DLG2: variants seen among roughly 807,000 people sequenced by gnomAD.
DLG2 encodes the protein disks large homolog 2.
DLG2 carries 45 observed loss-of-function variants against 132.5 expected under a neutral mutation model. That is an observed-to-expected ratio of 0.34 (90% CI 0.27 to 0.44). DLG2 has a LOEUF of 0.44. Ranked by LOEUF, DLG2 falls within the 20% of genes least tolerant of loss-of-function variation. The pLI, the probability that DLG2 is intolerant of heterozygous loss-of-function variation, is 1.00. For synonymous variants in DLG2, 424 were observed against 419.6 expected (o/e 1.01, Z -0.13); for missense variants, 1,045 against 1,196.9 (o/e 0.87, Z 1.87).
chr11:84,533,983 C>T (rs1160728896), intron 7 of DLG2, among the ~76,000 whole-genome samples: 2 of 143,374 alleles, frequency 1.4e-5, no homozygotes, highest in African/African-American at 5.2e-5. Flanking sequence ...GTATTTTTCT[C>T]ATTTAATTAT....
chr11:83,646,406 A>G (rs1286214189), intron 18 of DLG2, among the ~76,000 whole-genome samples: 1 of 151,998 alleles, frequency 6.6e-6, no homozygotes, highest in Non-Finnish European at 1.5e-5. Context: ...AGGGAAAGAG[A>G]AAGGGAAAGA....
chr11:83,792,994 AT>A, intron 17 of DLG2, among the ~76,000 whole-genome samples: 1 of 152,282 alleles, frequency 6.6e-6, no homozygotes, highest in Admixed American at 6.5e-5. Flanking sequence ...TAGGTAAACA[AT>A]TTTATTTTTA....
At chr11:84,055,954 A>G (rs1383850250) in intron 11 of DLG2, among the ~76,000 whole-genome samples, 1 of 152,142 alleles carries the variant, frequency 6.6e-6, no homozygotes, top group Non-Finnish European at 1.5e-5. Flanking sequence ...ATAACTCTGT[A>G]TTATATATAC....
intron 11 of DLG2, among the ~76,000 whole-genome samples, chr11:84,043,746 C>T (rs1005667254): frequency 1.3e-5 from 2 of 151,490 alleles, no homozygotes; most frequent in African/African-American, 2.4e-5. Context: ...TCAAGCTTTG[C>T]TCTTTGTCGC....
chr11:83,715,106 T>C (rs1456440661), intron 18 of DLG2, among the ~76,000 whole-genome samples: 5 of 152,160 alleles, frequency 3.3e-5, no homozygotes, highest in Admixed American at 3.3e-4. Flanking sequence ...TTCATGTCCT[T>C]GCAAGGACAT....
chr11:85,167,154 A>T (rs1201152206), intron 4 of DLG2, among the ~76,000 whole-genome samples: 1 of 152,164 alleles, frequency 6.6e-6, no homozygotes, highest in Non-Finnish European at 1.5e-5. Context: ...TAAAAAAGTT[A>T]AACAGAGTTC....
intron 8 of DLG2, among the ~76,000 whole-genome samples, chr11:84,242,993 T>TTCTCTCTCTCTC (rs145284405): frequency 0.024 from 2,979 of 124,898 alleles, 49 homozygotes; most frequent in African/African-American, 0.027. Flanking sequence ...ATTAATTAGG[T>TTCTCTCTCTCTC]TCTCTCTCTC....
chr11:84,429,740 G>T (rs1022156411), intron 7 of DLG2, among the ~76,000 whole-genome samples: 1 of 152,106 alleles, frequency 6.6e-6, no homozygotes, highest in Non-Finnish European at 1.5e-5. Flanking sequence ...TCTTTACAAT[G>T]ATAATCATGC....
At chr11:84,760,310 TTC>T (rs763924672) in intron 6 of DLG2, among the ~76,000 whole-genome samples, 5 of 152,228 alleles carry the variant, frequency 3.3e-5, no homozygotes, top group Non-Finnish European at 4.4e-5. Flanking sequence ...GGCTTTAGCC[TTC>T]TGAGTCTTCT....
intron 6 of DLG2, among the ~76,000 whole-genome samples, chr11:84,627,444 A>G (rs1761263669): frequency 6.6e-6 from 1 of 152,212 alleles, no homozygotes; most frequent in Non-Finnish European, 1.5e-5. Context: ...ATTAGTACCT[A>G]ATTGTAAAAC....
chr11:84,755,845 T>C (rs2066805310), intron 6 of DLG2, among the ~76,000 whole-genome samples: 2 of 152,188 alleles, frequency 1.3e-5, no homozygotes, highest in Non-Finnish European at 2.9e-5. Context: ...AGGTCACTTT[T>C]AGTGTGAGAA....
chr11:85,132,449 A>G (rs1356291337), intron 5 of DLG2, among the ~76,000 whole-genome samples: 1 of 152,194 alleles, frequency 6.6e-6, no homozygotes, highest in Non-Finnish European at 1.5e-5. Context: ...TGTATGTGCT[A>G]CACTACTACT....
intron 3 of DLG2, among the ~76,000 whole-genome samples, chr11:85,502,237 G>C (rs941982302): frequency 1.3e-5 from 2 of 152,020 alleles, no homozygotes; most frequent in African/African-American, 4.8e-5. Flanking sequence ...ATGGAGACAG[G>C]GAGGGGAACA....
At chr11:85,550,305 A>G (rs2076585999) in intron 3 of DLG2, among the ~76,000 whole-genome samples, 1 of 152,258 alleles carries the variant, frequency 6.6e-6, no homozygotes, top group Non-Finnish European at 1.5e-5. Flanking sequence ...TGGATGGCAG[A>G]GCTAAAAGAG....
At chr11:84,854,775 C>T (rs2082566666) in intron 6 of DLG2, among the ~76,000 whole-genome samples, 1 of 151,910 alleles carries the variant, frequency 6.6e-6, no homozygotes, top group African/African-American at 2.4e-5. Flanking sequence ...TACTATAAAT[C>T]CTACCCACCC....
rs773262108 is a variant in DLG2, at chr11:83,991,507, C to G, written c.920-10865G>C. ...TTGTAAAATGAAATCTTCCCCTGCA[C>G]GTTAGGGCTTTACTTTTTTCTTTTT... On this transcript the variant is annotated intron_variant, in intron 11 of 27. Transcript: ENST00000376104. Among the ~76,000 whole-genome samples, 5 of 152,082 alleles carry G rather than the reference C, an allele frequency of 3.3e-5. No homozygotes were observed. The East Asian group carries it at 9.6e-4, about 29-fold the overall frequency.
intron 7 of DLG2, among the ~76,000 whole-genome samples, chr11:84,458,620 TAATAA>T (rs907585872): frequency 6.6e-6 from 1 of 150,824 alleles, no homozygotes; most frequent in African/African-American, 2.4e-5. Flanking sequence ...AGTTTAAATA[TAATAA>T]CTTTTTTTAT....
chr11:85,002,671 A>T (rs1009753149), intron 6 of DLG2, among the ~76,000 whole-genome samples: 1 of 152,100 alleles, frequency 6.6e-6, no homozygotes, highest in Non-Finnish European at 1.5e-5. Flanking sequence ...ATAGTACTAC[A>T]GTCGACCCTT....
intron 6 of DLG2, among the ~76,000 whole-genome samples, chr11:84,548,658 A>G (rs893442020): frequency 1.3e-5 from 2 of 152,016 alleles, no homozygotes; most frequent in Admixed American, 6.6e-5. Context: ...TATGTGCCAC[A>G]TTTTCTTAAT....
Sources: gnomAD v4.1 joint callset for allele counts (sites outside exome capture counted in the v4.1 genomes callset) on GRCh38, gnomAD v4.1.1 for gene constraint, MANE v1.5 for transcripts, NCBI Gene and HGNC (gene_info 2026-07-23, HGNC 2026-07-21) for gene names.